The following GRIK2 variants were observed in gnomAD, a reference collection of about 807,000 sequenced individuals.
GRIK2 encodes the protein glutamate ionotropic receptor kainate type subunit 2, also known as glutamate receptor ionotropic, kainate 2.
In GRIK2, 32 loss-of-function variants were observed where a neutral mutation model predicts 100.3. The observed-to-expected ratio is 0.32, with a 90% CI of 0.24 to 0.43. GRIK2 has a LOEUF of 0.43. GRIK2 is among the 20% of genes least tolerant of loss of function. The pLI is 1.00. For missense variants in GRIK2, 843 were observed against 1,114.9 expected, an observed-to-expected ratio of 0.76 and a Z score of 3.47; for synonymous variants, 417 against 389.4, an observed-to-expected ratio of 1.07 and a Z score of -0.83.
At chr6:102,064,726 C>T (rs2114534703) in intron 16 of GRIK2, among the ~76,000 whole-genome samples, 1 of 151,230 alleles carries the variant, frequency 6.6e-6, no homozygotes, top group East Asian at 1.9e-4. Flanking sequence ...TCACAAAACT[C>T]TGTATAGTTT....
intron 9 of GRIK2, among the ~76,000 whole-genome samples, chr6:101,807,493 C>G (rs540040898): frequency 6.6e-6 from 1 of 151,868 alleles, no homozygotes; most frequent in South Asian, 2.1e-4. Flanking sequence ...GAACTTACTA[C>G]AGGAAGGGAG....
rs140658538 is a variant in GRIK2 at position 101,406,733 on chromosome 6, T to C, written c.115+7341T>C. 3.3e-3 allele frequency among the ~76,000 whole-genome samples: 506 copies of C among 152,310 alleles called. 2 individuals carry two copies. Among genetic ancestry groups the C allele is most frequent in the African/African-American group, 0.012 (486 of 41,580 alleles). On this transcript the variant is annotated intron_variant, in intron 2 of 16. Coordinates refer to ENST00000369134, the MANE Select transcript of GRIK2 (RefSeq NM_021956.5). Reference sequence around the variant, plus strand: ...AAGAGAGAAGTTAAATGACATTTGATACACAGTCTTTTTCAAATTTACCGC... The same window carrying C: ...AAGAGAGAAGTTAAATGACATTTGACACACAGTCTTTTTCAAATTTACCGC...
chr6:101,724,658 G>C (rs2128367358), intron 7 of GRIK2, among the ~76,000 whole-genome samples: 1 of 152,078 alleles, frequency 6.6e-6, no homozygotes, highest in Middle Eastern at 3.4e-3. Context: ...TTCATCAACT[G>C]TGCATAAGAG....
chr6:101,601,790 T>G (rs72961166), intron 2 of GRIK2, among the ~76,000 whole-genome samples: 13,877 of 151,864 alleles, frequency 0.091, 723 homozygotes, highest in Admixed American at 0.15. Context: ...ACCTTCGACA[T>G]TTCTGATGAT....
intron 2 of GRIK2, among the ~76,000 whole-genome samples, chr6:101,493,788 T>A (rs941269872): frequency 4.0e-5 from 6 of 151,150 alleles, no homozygotes; most frequent in Non-Finnish European, 8.9e-5. Flanking sequence ...TTTAATTATT[T>A]TTCAGCCTAC....
chr6:101,540,228 G>C (rs1464548926), intron 2 of GRIK2, among the ~76,000 whole-genome samples: 2 of 151,866 alleles, frequency 1.3e-5, no homozygotes, highest in Admixed American at 1.3e-4. Context: ...TAAAAAGACT[G>C]CTTGATAGTG....
At chr6:102,056,745 A>G (rs937606051) in intron 16 of GRIK2, among the ~76,000 whole-genome samples, 2 of 151,936 alleles carry the variant, frequency 1.3e-5, no homozygotes, top group African/African-American at 2.4e-5. Context: ...CTAATAACTT[A>G]TGTCATAATT....
chr6:101,664,602 A>T (rs1261910274), intron 4 of GRIK2, among the ~76,000 whole-genome samples: 1 of 152,260 alleles, frequency 6.6e-6, no homozygotes, highest in Non-Finnish European at 1.5e-5. Flanking sequence ...TTACTTTTTG[A>T]TAATGGCATA....
intron 7 of GRIK2, among the ~76,000 whole-genome samples, chr6:101,780,308 A>C (rs1779009531): frequency 1.3e-5 from 2 of 152,238 alleles, no homozygotes; most frequent in Admixed American, 1.3e-4. Context: ...TTCAGTGGGA[A>C]TATGGCCTAG....
At chr6:101,973,263 A>T (rs908329054) in intron 14 of GRIK2, among the ~76,000 whole-genome samples, 4 of 151,886 alleles carry the variant, frequency 2.6e-5, no homozygotes, top group Non-Finnish European at 5.9e-5. Context: ...TTGGATCTAG[A>T]ATTCAGTATT....
chr6:101,859,741 G>C (rs1053182630), intron 11 of GRIK2, among the ~76,000 whole-genome samples: 1 of 152,038 alleles, frequency 6.6e-6, no homozygotes, highest in Non-Finnish European at 1.5e-5. Context: ...TATCTCTCTT[G>C]ATTATTACAT....
chr6:101,568,597 A>T (rs1164389518), intron 2 of GRIK2, among the ~76,000 whole-genome samples: 2 of 152,076 alleles, frequency 1.3e-5, no homozygotes. Flanking sequence ...ATGAATAATA[A>T]ATGTAATTTG....
At chr6:101,660,805 G>T (rs915801268) in intron 4 of GRIK2, among the ~76,000 whole-genome samples, 1 of 152,118 alleles carries the variant, frequency 6.6e-6, no homozygotes, top group African/African-American at 2.4e-5. Flanking sequence ...ACCAGTGGAG[G>T]CTGCAGAACA....
At chr6:101,832,477 AAGTT>A (rs1184675156) in intron 10 of GRIK2, among the ~76,000 whole-genome samples, 3 of 152,200 alleles carry the variant, frequency 2.0e-5, no homozygotes, top group Non-Finnish European at 4.4e-5. Context: ...AAATTATTAA[AAGTT>A]AGGCCATAAG....
At chr6:101,724,024 C>T (rs1774680117) in intron 7 of GRIK2, among the ~76,000 whole-genome samples, 1 of 151,570 alleles carries the variant, frequency 6.6e-6, no homozygotes, top group South Asian at 2.1e-4. Flanking sequence ...TGTAGACTAG[C>T]CATATTTATC....
intron 14 of GRIK2, among the ~76,000 whole-genome samples, chr6:101,941,618 A>G (rs1341434299): frequency 6.6e-6 from 1 of 152,124 alleles, no homozygotes; most frequent in Non-Finnish European, 1.5e-5. Flanking sequence ...ACTGTTATAC[A>G]ATGGCTTGGA....
At chr6:101,790,994 T>C (rs1181640334) in intron 7 of GRIK2, among the ~76,000 whole-genome samples, 7 of 152,188 alleles carry the variant, frequency 4.6e-5, no homozygotes, top group African/African-American at 1.7e-4. Flanking sequence ...TTTATTTGCA[T>C]AGAGGTGTTT....
intron 9 of GRIK2, among the ~76,000 whole-genome samples, chr6:101,817,927 T>C (rs751713906): frequency 2.0e-5 from 3 of 152,210 alleles, no homozygotes; most frequent in Non-Finnish European, 4.4e-5. Context: ...CCCTTAAGCC[T>C]ACCTTTACCT....
chr6:101,859,645 A>G (rs1582398582), intron 11 of GRIK2, 152 bp downstream of exon 11: 2 of 613,336 alleles, frequency 3.3e-6, no homozygotes, highest in Non-Finnish European at 5.8e-6. Context: ...AGTATTTGTC[A>G]CTAAATGTAA....
Sources: allele counts gnomAD v4.1 joint callset (sites outside exome capture counted in the v4.1 genomes callset), GRCh38; gene constraint gnomAD v4.1.1; transcripts MANE v1.5; gene names NCBI Gene and HGNC (gene_info 2026-07-23, HGNC 2026-07-21).